Variants in CLEC6A observed in about 807,000 individuals in gnomAD.
CLEC6A encodes the protein C-type lectin domain containing 6A.
In CLEC6A, 22 loss-of-function variants were observed where a neutral mutation model predicts 25.7. The ratio of observed to expected loss-of-function variants is 0.85; its 90% CI spans 0.61 to 1.22. The LOEUF (loss-of-function observed/expected upper bound fraction) is 1.22. CLEC6A is among the 50% of genes most tolerant of loss of function. CLEC6A has a pLI of 0.00. For synonymous variants in CLEC6A, 92 were observed against 76.7 expected, an observed-to-expected ratio of 1.20 and a Z score of -1.04; for missense variants, 240 against 236.8, an observed-to-expected ratio of 1.01 and a Z score of -0.09.
In CLEC6A at chr12:8,457,973, T is replaced by C; in HGVS notation, c.107T>C (p.Ile36Thr). ...ISIALLSACF[I>T]VSCVVTYHFT... ...ATTGCACTCCTCAGTGCTTGCTTCA[T>C]TGTGAGCTGTGTAGGTAAGTTCTTC... Residue 36 changes from isoleucine (I) to threonine (T), a missense_variant, in exon 2 of 6, where the codon ATT becomes ACT. Transcript: ENST00000382073. 1.2e-6 allele frequency: 2 copies of C among 1,613,094 alleles called. No individual in the cohort carries two copies. Among genetic ancestry groups the C allele is most frequent in the Non-Finnish European group, 1.7e-6 (2 of 1,179,020 alleles).
rs371035585 is a variant in CLEC6A at position 8,459,685 on chromosome 12, G to C, written c.210G>C (p.Gly70=). ...CAAGTCTCACCTGCTTCAGTGAAGGGACAAAGGTGCCAGGTAAATCTTTAA... is the reference window on the plus strand; with the variant it reads ...CAAGTCTCACCTGCTTCAGTGAAGGCACAAAGGTGCCAGGTAAATCTTTAA... ...YHSSLTCFSE[G]TKVPAWGCCP... Residue 70 remains glycine (G), a synonymous_variant, in exon 3 of 6, where the codon GGG becomes GGC. Coordinates refer to ENST00000382073, the MANE Select transcript of CLEC6A (RefSeq NM_001007033.2). 1.9e-6 allele frequency: 3 copies of C among 1,609,186 alleles called. No homozygotes were observed. Among genetic ancestry groups the C allele is most frequent in the South Asian group, 1.1e-5 (1 of 90,994 alleles).
chr12:8,468,494 T>C (rs1939866055), intron 4 of CLEC6A, among the ~76,000 whole-genome samples: 1 of 152,208 alleles, frequency 6.6e-6, no homozygotes, highest in Non-Finnish European at 1.5e-5. Context: ...CCTTGCCAAG[T>C]TGCTCTGGCT....
intron 2 of CLEC6A, 78 bp from the exon 3 acceptor site, chr12:8,459,519 C>T: frequency 6.7e-6 from 6 of 896,352 alleles, no homozygotes; most frequent in Non-Finnish European, 1.1e-5. Context: ...AGAGGTAAGC[C>T]AGCACTGTAC....
At chr12:8,476,950 T>C (rs1426786516) in intron 5 of CLEC6A, among the ~76,000 whole-genome samples, 1 of 152,072 alleles carries the variant, frequency 6.6e-6, no homozygotes, top group Non-Finnish European at 1.5e-5. Context: ...TCCATGAGAA[T>C]AAAGAAGCTT....
chr12:8,476,603 A>T (rs893675137), intron 5 of CLEC6A, among the ~76,000 whole-genome samples: 3 of 152,148 alleles, frequency 2.0e-5, no homozygotes, highest in African/African-American at 7.2e-5. Context: ...TATCTGGGTC[A>T]GAACTATGTA....
At chr12:8,460,954 CTAAGAGTCCCAAATTCT>C in intron 3 of CLEC6A, 2 of 948,180 alleles carry the variant, frequency 2.1e-6, no homozygotes, top group Non-Finnish European at 3.4e-6. Context: ...CTGTGGGGCT[CTAAGAGTCCCAAATTCT>C]TACTGCGTTG....
At chr12:8,460,595 C>A (rs1309554127) in intron 3 of CLEC6A, 20 of 1,140,274 alleles carry the variant, frequency 1.8e-5, no homozygotes, top group Admixed American at 6.9e-5. Flanking sequence ...TTCTGTCTGG[C>A]GGAAGCCATC....
intron 4 of CLEC6A, among the ~76,000 whole-genome samples, chr12:8,468,912 A>G (rs936294741): frequency 1.3e-5 from 2 of 152,176 alleles, no homozygotes; most frequent in African/African-American, 4.8e-5. Flanking sequence ...ATTTTTATTC[A>G]ACATAGTACT....
At chr12:8,463,999 A>G (rs1026997959) in intron 3 of CLEC6A, among the ~76,000 whole-genome samples, 1 of 152,208 alleles carries the variant, frequency 6.6e-6, no homozygotes, top group Non-Finnish European at 1.5e-5. Flanking sequence ...TGACTTTCAA[A>G]ATTCAAATCG....
rs554712401 is a variant in CLEC6A at position 8,466,165 on chromosome 12, T to C, written c.369+536T>C. ...TGTGATGATTTGATATACAAATATATTGTGAAATGGTTACCACAATCAAGC... is the reference window on the plus strand; with the variant it reads ...TGTGATGATTTGATATACAAATATACTGTGAAATGGTTACCACAATCAAGC... On this transcript the variant is annotated intron_variant, in intron 4 of 5. Coordinates refer to ENST00000382073, the MANE Select transcript of CLEC6A (RefSeq NM_001007033.2). Among the ~76,000 whole-genome samples the C allele has an allele frequency of 3.3e-5, 5 of 152,356 alleles. No homozygotes were observed. In the South Asian group the frequency reaches 1.0e-3, roughly 32 times the overall value.
At chr12:8,467,407 T>C (rs1031776832) in intron 4 of CLEC6A, among the ~76,000 whole-genome samples, 2 of 152,242 alleles carry the variant, frequency 1.3e-5, no homozygotes, top group African/African-American at 4.8e-5. Context: ...ATTTTGCCTA[T>C]GGATATCCAG....
In CLEC6A at chr12:8,465,517, T is replaced by C; in HGVS notation, c.257T>C (p.Phe86Ser). 6.2e-7 allele frequency: 1 copy of C among 1,614,122 alleles called. No homozygotes were observed. The highest frequency in any genetic ancestry group is 8.5e-7 in the Non-Finnish European group (1 of 1,179,978). Residue 86 changes from phenylalanine to serine, a missense_variant, in exon 4 of 6, where the codon TTT (phenylalanine) becomes TCT (serine). By Grantham distance (155) the Phe-to-Ser change is radical. Transcript: ENST00000382073. ...TGTTGCCCAGCTTCTTGGAAGTCAT[T>C]TGGTTCCAGTTGCTACTTCATTTCC... ...WGCCPASWKS[F>S]GSSCYFISSE... is the part of the protein sequence containing the mutation.
chr12:8,459,119 A>G (rs1227882943), intron 2 of CLEC6A, among the ~76,000 whole-genome samples: 2 of 152,198 alleles, frequency 1.3e-5, no homozygotes, highest in East Asian at 3.8e-4. Context: ...ACATCCAGTG[A>G]GTCCATAAAT....
At chr12:8,465,386 G>T in intron 3 of CLEC6A, 98 bp from the exon 4 acceptor site, 2 of 1,184,106 alleles carry the variant, frequency 1.7e-6, no homozygotes, top group Admixed American at 4.6e-5. Context: ...CAGTAAAAAC[G>T]TGAATTAAGA....
chr12:8,457,146 T>C (rs1198122148), intron 1 of CLEC6A, among the ~76,000 whole-genome samples: 2 of 152,114 alleles, frequency 1.3e-5, no homozygotes, highest in East Asian at 3.9e-4. Context: ...TATCCTGCTG[T>C]GCTAAGGGAC....
At position 8,459,684 on chromosome 12, in the gene CLEC6A, G is replaced by A. The variant is rs1227581740; in HGVS notation, c.209G>A (p.Gly70Glu). 4.4e-6 allele frequency: 7 copies of A among 1,608,828 alleles called. No individual in the cohort carries two copies. The Admixed American group carries it at 5.0e-5, about 11-fold the overall frequency. ...TCAAGTCTCACCTGCTTCAGTGAAGGGACAAAGGTGCCAGGTAAATCTTTA... is the reference window on the plus strand; with the variant it reads ...TCAAGTCTCACCTGCTTCAGTGAAGAGACAAAGGTGCCAGGTAAATCTTTA... ...YHSSLTCFSE[G>E]TKVPAWGCCP... The change falls in exon 3 of 6, where the codon GGG becomes GAG. Residue 70 changes from glycine to glutamate, a missense_variant. Gly to Glu is a moderately conservative substitution (Grantham distance 98). Transcript: ENST00000382073.
At chr12:8,460,859 A>G (rs1591706090) in intron 3 of CLEC6A, 2 of 902,900 alleles carry the variant, frequency 2.2e-6, no homozygotes, top group Admixed American at 1.7e-5. Context: ...GGTACAACTT[A>G]CCGCAAGCCT....
chr12:8,476,387 T>C (rs1414442458), intron 5 of CLEC6A, 147 bp downstream of exon 5: 1 of 547,448 alleles, frequency 1.8e-6, no homozygotes, highest in African/African-American at 2.0e-5. Flanking sequence ...TCACTTAAAC[T>C]TCATGAAAAC....
At chr12:8,459,524 C>T in intron 2 of CLEC6A, 73 bp from the exon 3 acceptor site, 2 of 944,744 alleles carry the variant, frequency 2.1e-6, no homozygotes, top group South Asian at 1.3e-5. Context: ...TAAGCCAGCA[C>T]TGTACAGATA....
Sources: allele counts gnomAD v4.1 joint callset (sites outside exome capture counted in the v4.1 genomes callset), GRCh38; gene constraint gnomAD v4.1.1; transcripts MANE v1.5; gene names NCBI Gene and HGNC (gene_info 2026-07-23, HGNC 2026-07-21).